Variants in SHANK2 observed in about 807,000 individuals in gnomAD.
SHANK2 encodes the protein SH3 and multiple ankyrin repeat domains 2.
In SHANK2, 43 loss-of-function variants were observed where a neutral mutation model predicts 133.7. That is an observed-to-expected ratio of 0.32 (90% CI 0.25 to 0.41). The LOEUF (loss-of-function observed/expected upper bound fraction) is 0.41. Among genes scored for constraint, SHANK2 ranks in the 10% least tolerant of loss-of-function variants. The pLI, the probability that SHANK2 is intolerant of heterozygous loss-of-function variation, is 1.00. For missense variants in SHANK2, 1,994 were observed against 2,235.8 expected (o/e 0.89, Z 2.18); for synonymous variants, 1,017 against 952.8 (o/e 1.07, Z -1.24).
At chr11:70,947,690 T>C (rs1165534061) in intron 10 of SHANK2, among the ~76,000 whole-genome samples, 1 of 152,146 alleles carries the variant, frequency 6.6e-6, no homozygotes, top group Non-Finnish European at 1.5e-5. Context: ...TAAAAAATTA[T>C]AGTTACATAT....
chr11:70,487,273 G>A lies in SHANK2; in HGVS notation c.3020C>T (p.Ala1007Val). 1 of 1,614,220 alleles carries A rather than the reference G, an allele frequency of 6.2e-7. No homozygotes were observed. Among genetic ancestry groups the A allele is most frequent in the South Asian group, 1.1e-5 (1 of 91,082 alleles). ...CTTCACCAGCATCCCCTTCCGCCTG[G>A]CGGGCTTGGCGGGGACGTAGACGGC... is the stretch of plus-strand genomic sequence containing the variant. ...SKAVYVPAKP[A>V]RRKGMLVKQS... The change falls in exon 25 of 26, where the codon GCC (alanine) becomes GTC (valine). Residue 1007 changes from alanine to valine, a missense_variant. Transcript: ENST00000601538. The surrounding 1 kb of genome is among the most constrained non-coding windows in gnomAD (Gnocchi z 5.8).
chr11:71,116,480 C>T (rs1951981148), intron 4 of SHANK2, among the ~76,000 whole-genome samples: 1 of 152,212 alleles, frequency 6.6e-6, no homozygotes, highest in African/African-American at 2.4e-5. Flanking sequence ...AGGGCTGCCC[C>T]GTCTTACGGA....
At chr11:70,845,608 C>T (rs1442667928) in intron 11 of SHANK2, among the ~76,000 whole-genome samples, 3 of 152,032 alleles carry the variant, frequency 2.0e-5, no homozygotes, top group Non-Finnish European at 4.4e-5. Flanking sequence ...TTCCCAGAGA[C>T]CAGAGGCAGG....
At chr11:70,538,580 G>GAAGGAGCAGGATA (rs1301943871) in intron 17 of SHANK2, among the ~76,000 whole-genome samples, 1 of 152,260 alleles carries the variant, frequency 6.6e-6, no homozygotes, top group Non-Finnish European at 1.5e-5. Flanking sequence ...TGGTCAGGAG[G>GAAGGAGCAGGATA]AAGGAGCAGG....
At chr11:71,240,253 G>A (rs1954872081) in intron 1 of SHANK2, among the ~76,000 whole-genome samples, 1 of 152,122 alleles carries the variant, frequency 6.6e-6, no homozygotes, top group African/African-American at 2.4e-5. Flanking sequence ...TTCTCCAAGA[G>A]GTTTGGACCT....
intron 17 of SHANK2, among the ~76,000 whole-genome samples, chr11:70,599,109 A>G (rs530711189): frequency 6.6e-6 from 1 of 152,284 alleles, no homozygotes; most frequent in East Asian, 1.9e-4. Flanking sequence ...AAAAGATGAG[A>G]ATTAATAAGA....
intron 17 of SHANK2, among the ~76,000 whole-genome samples, chr11:70,606,079 G>A (rs1446346947): frequency 3.9e-5 from 6 of 152,128 alleles, no homozygotes; most frequent in Non-Finnish European, 8.8e-5. Context: ...TGAGTGCTCT[G>A]CTGCCAGGAA....
intron 15 of SHANK2, among the ~76,000 whole-genome samples, chr11:70,693,122 C>G (rs539076486): frequency 6.6e-6 from 1 of 152,294 alleles, no homozygotes; most frequent in East Asian, 1.9e-4. Context: ...CTCTCTACCC[C>G]ACCTCCTCCA....
intron 17 of SHANK2, among the ~76,000 whole-genome samples, chr11:70,649,650 G>A (rs1591704243): frequency 6.6e-6 from 1 of 152,118 alleles, no homozygotes; most frequent in South Asian, 2.1e-4. Context: ...AGGGAGGAGG[G>A]GGGCAGGTGG....
intron 14 of SHANK2, among the ~76,000 whole-genome samples, chr11:70,735,093 C>T (rs76353685): frequency 2.0e-5 from 3 of 152,100 alleles, no homozygotes; most frequent in Admixed American, 1.3e-4. Context: ...GGAAGGTGGG[C>T]GAGGCCGTGG....
chr11:70,950,701 A>G (rs1209288481), intron 10 of SHANK2, among the ~76,000 whole-genome samples: 3 of 148,466 alleles, frequency 2.0e-5, no homozygotes, highest in Non-Finnish European at 3.0e-5. Flanking sequence ...TTTGCCTCTC[A>G]GGTTCAAGTG....
At chr11:70,856,061 G>T (rs1334591340) in intron 11 of SHANK2, among the ~76,000 whole-genome samples, 1 of 151,980 alleles carries the variant, frequency 6.6e-6, no homozygotes, top group Admixed American at 6.5e-5. Context: ...GTGAGTGAAT[G>T]GGTGGGTGGG....
At chr11:70,925,088 G>A (rs1307066434) in intron 10 of SHANK2, among the ~76,000 whole-genome samples, 3 of 152,116 alleles carry the variant, frequency 2.0e-5, no homozygotes, top group Admixed American at 6.5e-5. Context: ...CATGGCGGTC[G>A]ACACTGCAGA....
intron 10 of SHANK2, among the ~76,000 whole-genome samples, chr11:70,923,377 G>A (rs562211383): frequency 1.8e-4 from 28 of 152,258 alleles, no homozygotes; most frequent in Admixed American, 5.2e-4. Context: ...CAGGTAGCTG[G>A]GATTACAGGC....
At chr11:71,102,868 G>T (rs1313575815) in intron 6 of SHANK2, among the ~76,000 whole-genome samples, 1 of 152,240 alleles carries the variant, frequency 6.6e-6, no homozygotes, top group African/African-American at 2.4e-5. Flanking sequence ...AGATCCCAGA[G>T]GCTAGGTGGC....
At chr11:71,198,038 CTG>C (rs543899863) in intron 2 of SHANK2, among the ~76,000 whole-genome samples, 21 of 152,326 alleles carry the variant, frequency 1.4e-4, no homozygotes, top group African/African-American at 5.1e-4. Context: ...AAGCTTCACT[CTG>C]TGTGCCGTTT....
In SHANK2 at chr11:70,709,766, G is replaced by A. The variant is rs1256594458; in HGVS notation, c.1778-11003C>T. Among the ~76,000 whole-genome samples, 3 of 152,128 alleles carry A rather than the reference G, an allele frequency of 2.0e-5. No individual in the cohort carries two copies. The East Asian group carries it at 5.8e-4, about 29-fold the overall frequency. ...AAGTATCATGAGATTTGGGGTTGGG[G>A]AAGAGACTTGGGGGAGCCCTGGCGA... On this transcript the variant is annotated intron_variant, in intron 14 of 25. Transcript: ENST00000601538.
chr11:70,933,272 A>G (rs1801056403), intron 10 of SHANK2: 2 of 455,352 alleles, frequency 4.4e-6, no homozygotes, highest in Admixed American at 2.3e-5. Flanking sequence ...TCACAAAAAG[A>G]TGAATACTGT....
chr11:70,776,066 C>T (rs1369998373), intron 14 of SHANK2, among the ~76,000 whole-genome samples: 1 of 152,262 alleles, frequency 6.6e-6, no homozygotes, highest in East Asian at 1.9e-4. Context: ...CAGACCCAGA[C>T]TTGGTGTCCC....
Sources: gnomAD v4.1 joint callset for allele counts (sites outside exome capture counted in the v4.1 genomes callset) on GRCh38, gnomAD v4.1.1 for gene constraint, Gnocchi (gnomAD v3.1) non-coding constraint, MANE v1.5 for transcripts, NCBI Gene and HGNC (gene_info 2026-07-23, HGNC 2026-07-21) for gene names.